ACVR2A: variants seen among roughly 807,000 people sequenced by gnomAD.
ACVR2A encodes activin receptor type-2A.
In ACVR2A, 7 loss-of-function variants were observed where a neutral mutation model predicts 61.4. That is an observed-to-expected ratio of 0.11 (90% CI 0.06 to 0.21). ACVR2A has a LOEUF of 0.21. ACVR2A is among the 10% of genes least tolerant of loss of function. The probability of loss-of-function intolerance (pLI) is 1.00; values close to 1 mark genes in which losing one functional copy is unlikely to be tolerated. For synonymous variants in ACVR2A, 193 were observed against 208.3 expected (o/e 0.93, Z 0.63); for missense variants, 322 against 621.7 (o/e 0.52, Z 5.13).
chr2:147,903,400 TC>T (rs1686917126), intron 4 of ACVR2A, among the ~76,000 whole-genome samples: 1 of 152,014 alleles, frequency 6.6e-6, no homozygotes, highest in African/African-American at 2.4e-5. Context: ...TCCTGATTGA[TC>T]CTATTGTAGT....
At chr2:147,915,402 A>G in intron 5 of ACVR2A, 68 bp downstream of exon 5, 1 of 1,587,664 alleles carries the variant, frequency 6.3e-7, no homozygotes, top group Non-Finnish European at 8.6e-7. Flanking sequence ...ACTCAGAAAT[A>G]GTCTCAAAAC....
chr2:147,880,647 G>A (rs1055678514), intron 1 of ACVR2A, among the ~76,000 whole-genome samples: 4 of 152,058 alleles, frequency 2.6e-5, no homozygotes, highest in African/African-American at 9.7e-5. Flanking sequence ...TCTACTTGTT[G>A]TGTCTTTTGA....
At position 147,913,822 on chromosome 2, in the gene ACVR2A, C is replaced by CAA. The variant is rs575237522; in HGVS notation, c.529-1341_529-1340dup. Among the ~76,000 whole-genome samples the CAA allele has an allele frequency of 9.1e-4, 56 of 61,800 alleles. 9 individuals are homozygous for CAA. Among genetic ancestry groups the CAA allele is most frequent in the African/African-American group, 4.1e-3 (52 of 12,536 alleles). The allele number at this position is 61,800 out of a possible 152,430, so 40.5% of individuals were successfully genotyped here. On this transcript the variant is annotated intron_variant, in intron 4 of 10. Coordinates refer to ENST00000241416, the MANE Select transcript of ACVR2A (RefSeq NM_001616.5). ...GTGGGAAGGACAAGCAACTTGTAGA[C>CAA]AAAAAAAAAAAAAAAAAAAAAAAAA...
At chr2:147,857,849 T>C (rs1348868699) in intron 1 of ACVR2A, among the ~76,000 whole-genome samples, 1 of 152,178 alleles carries the variant, frequency 6.6e-6, no homozygotes, top group African/African-American at 2.4e-5. Flanking sequence ...TTATTTTAAG[T>C]TCAGGAGTAC....
intron 1 of ACVR2A, among the ~76,000 whole-genome samples, chr2:147,891,959 T>A (rs1237551697): frequency 6.8e-6 from 1 of 147,026 alleles, no homozygotes; most frequent in African/African-American, 2.4e-5. Context: ...CCCTTCTTTT[T>A]TTTGTTTTTT....
At chr2:147,850,469 C>T (rs1685415551) in intron 1 of ACVR2A, among the ~76,000 whole-genome samples, 1 of 151,970 alleles carries the variant, frequency 6.6e-6, no homozygotes, top group African/African-American at 2.4e-5. Context: ...TCAGGTTTTC[C>T]TTAACTCTTT....
chr2:147,859,916 T>A (rs1685684558), intron 1 of ACVR2A, among the ~76,000 whole-genome samples: 2 of 152,188 alleles, frequency 1.3e-5, no homozygotes, highest in South Asian at 4.1e-4. Flanking sequence ...TCTTCCATTA[T>A]ACCATGTTGT....
At chr2:147,921,796 T>G (rs1185894603) in intron 8 of ACVR2A, among the ~76,000 whole-genome samples, 1 of 152,166 alleles carries the variant, frequency 6.6e-6, no homozygotes, top group Non-Finnish European at 1.5e-5. Context: ...AAAAAAAATT[T>G]CTGACTCATT....
intron 1 of ACVR2A, among the ~76,000 whole-genome samples, chr2:147,853,770 A>T (rs1382668432): frequency 1.3e-5 from 2 of 152,108 alleles, no homozygotes; most frequent in African/African-American, 2.4e-5. Flanking sequence ...CGTAGTTATG[A>T]TTATTAACTT....
chr2:147,895,846 A>G (rs1254471075), intron 1 of ACVR2A, among the ~76,000 whole-genome samples: 1 of 152,102 alleles, frequency 6.6e-6, no homozygotes, highest in East Asian at 1.9e-4. Flanking sequence ...GTCTATTGGG[A>G]AAGTTTTTGG....
At chr2:147,864,248 G>A (rs1270345828) in intron 1 of ACVR2A, among the ~76,000 whole-genome samples, 7 of 151,434 alleles carry the variant, frequency 4.6e-5, no homozygotes. Flanking sequence ...TGTTTTTTTT[G>A]AGAGGGAGTC....
intron 6 of ACVR2A, 76 bp downstream of exon 6, chr2:147,917,502 G>A (rs1376057410): frequency 1.3e-6 from 2 of 1,486,906 alleles, no homozygotes; most frequent in South Asian, 1.3e-5. Context: ...AAATCCCTCA[G>A]AGTTATTTTT....
intron 8 of ACVR2A, among the ~76,000 whole-genome samples, chr2:147,920,548 C>T (rs1465703249): frequency 6.6e-6 from 1 of 152,094 alleles, no homozygotes; most frequent in East Asian, 1.9e-4. Context: ...TAAAGCAACC[C>T]TTAGACACAC....
At chr2:147,844,839 C>T (rs900251797), upstream of ACVR2A, 9 of 252,572 alleles carry the variant, frequency 3.6e-5, no homozygotes, top group African/African-American at 1.1e-4. Flanking sequence ...GCGGAGCTGA[C>T]AGTGATTTTG....
intron 4 of ACVR2A, among the ~76,000 whole-genome samples, chr2:147,911,377 C>T (rs975829513): frequency 6.6e-6 from 1 of 151,894 alleles, no homozygotes; most frequent in African/African-American, 2.4e-5. Context: ...GAAAGTGTTC[C>T]CTATCTTTAT....
chr2:147,878,073 T>TATTAAAATAATTCTTTGTGGTA (rs1261465621), intron 1 of ACVR2A, among the ~76,000 whole-genome samples: 12 of 152,210 alleles, frequency 7.9e-5, no homozygotes, highest in Non-Finnish European at 1.6e-4. Context: ...ATAGAGCTAC[T>TATTAAAATAATTCTTTGTGGTA]ATTAAAATAA....
chr2:147,864,222 T>C (rs1328798687), intron 1 of ACVR2A, among the ~76,000 whole-genome samples: 1 of 152,136 alleles, frequency 6.6e-6, no homozygotes, highest in Non-Finnish European at 1.5e-5. Flanking sequence ...CTCAACTTTC[T>C]GTTACTATAA....
intron 1 of ACVR2A, among the ~76,000 whole-genome samples, chr2:147,868,021 T>C (rs920744242): frequency 2.0e-5 from 3 of 152,202 alleles, no homozygotes; most frequent in Non-Finnish European, 4.4e-5. Flanking sequence ...TATTTACTGA[T>C]TGTTACACTT....
Position 147,886,905 on chromosome 2 carries a change from A to G in ACVR2A, c.56-9396A>G, listed in dbSNP as rs144301750. On this transcript the variant is annotated intron_variant, in intron 1 of 10. Transcript: ENST00000241416. ...TGAGAATGACACATTCTAAGCAACT[A>G]TAACTGTACTGTACAAGAAGACAAG... 2.8e-3 allele frequency among the ~76,000 whole-genome samples: 420 copies of G among 152,114 alleles called. 4 individuals carry two copies. The highest frequency in any genetic ancestry group is 9.2e-3 in the African/African-American group (380 of 41,496).
Sources: allele counts gnomAD v4.1 joint callset (sites outside exome capture counted in the v4.1 genomes callset), GRCh38; gene constraint gnomAD v4.1.1; transcripts MANE v1.5; gene names NCBI Gene and HGNC (gene_info 2026-07-23, HGNC 2026-07-21).